Variants in GUCY2D observed in about 807,000 individuals in gnomAD.
GUCY2D encodes the protein retinal guanylyl cyclase 1.
GUCY2D carries 70 observed loss-of-function variants against 101.3 expected under a neutral mutation model. That is an observed-to-expected ratio of 0.69 (90% confidence interval 0.57 to 0.84). The LOEUF is 0.84. Ranked by LOEUF, GUCY2D falls within the 40% of genes least tolerant of loss-of-function variation. The pLI is 0.00. For synonymous variants in GUCY2D, 688 were observed against 670.7 expected (o/e 1.03, Z -0.40); for missense variants, 1,460 against 1,542.5 (o/e 0.95, Z 0.90).
At position 8,003,965 on chromosome 17, in the gene GUCY2D, G is replaced by C; in HGVS notation, c.835G>C (p.Asp279His). 6.2e-7 allele frequency: 1 copy of C among 1,613,708 alleles called. No individual in the cohort carries two copies. Among genetic ancestry groups the C allele is most frequent in the Non-Finnish European group, 8.5e-7 (1 of 1,179,920 alleles). The change falls in exon 3 of 20, where the codon GAC becomes CAC. Residue 279 changes from aspartate to histidine, a missense_variant. Physicochemically the swap from Asp to His is moderately conservative, Grantham distance 81. Around this residue, in one of 3 missense-constraint regions of GUCY2D, gnomAD observed 1,196 missense variants for 1,229.6 expected, o/e 0.97. Coordinates refer to ENST00000254854, the MANE Select transcript of GUCY2D (RefSeq NM_000180.4). ...TGGCTCCCTGGTCTTCCTGCCCTTC[G>C]ACACGATCCACTACGCCTTGTCCCC... ...TDGSLVFLPF[D>H]TIHYALSPGP...
intron 17 of GUCY2D, 61 bp downstream of exon 17, chr17:8,016,082 C>G: frequency 6.8e-7 from 1 of 1,465,230 alleles, no homozygotes. Flanking sequence ...CCGCCCATCC[C>G]GGGCCGCGGC....
Position 8,003,989 on chromosome 17 carries a change from C to T in GUCY2D, c.859C>T (p.Pro287Ser), listed in dbSNP as rs749912018. The part of the protein sequence containing the change: ...PFDTIHYALS[P>S]GPEALAALAN... ...CGACACGATCCACTACGCCTTGTCC[C>T]CAGGCCCGGAGGCCTTGGCCGCACT... The change falls in exon 3 of 20, where the codon CCA becomes TCA. Residue 287 changes from proline to serine, a missense_variant. Around this residue, in one of 3 missense-constraint regions of GUCY2D, gnomAD observed 1,196 missense variants for 1,229.6 expected, o/e 0.97. Transcript: ENST00000254854. 1.2e-6 allele frequency: 2 copies of T among 1,613,642 alleles called. No homozygotes were observed. Among genetic ancestry groups the T allele is most frequent in the Non-Finnish European group, 1.7e-6 (2 of 1,179,932 alleles).
intron 19 of GUCY2D, among the ~76,000 whole-genome samples, chr17:8,018,255 C>T (rs774868695): frequency 2.0e-5 from 3 of 152,148 alleles, no homozygotes; most frequent in South Asian, 2.1e-4. Context: ...GAGGGAATTC[C>T]GGAACTGAAC....
At position 8,007,919 on chromosome 17, in the gene GUCY2D, T is replaced by C; in HGVS notation, c.1567-12T>C. On this transcript the variant is annotated splice_polypyrimidine_tract_variant and intron_variant, in intron 6 of 19. Transcript: ENST00000254854. Reference sequence around the variant, plus strand: ...TATATTTTGACCTCTTGCATTGACCTCTACCTGCTAGGTGGCCCAGGGGAG... The same window carrying C: ...TATATTTTGACCTCTTGCATTGACCCCTACCTGCTAGGTGGCCCAGGGGAG... 5 of 1,563,594 alleles carry C rather than the reference T, an allele frequency of 3.2e-6. No individual in the cohort carries two copies. The highest frequency in any genetic ancestry group is 4.4e-6 in the Non-Finnish European group (5 of 1,134,106).
chr17:8,020,286 G>A lies in GUCY2D; in HGVS notation c.*183G>A, dbSNP rs1290220718. On this transcript the variant is annotated 3_prime_UTR_variant, in exon 20 of 20. Transcript: ENST00000254854. ...CCTTGCACCGTGGATACCAGGCCAT[G>A]TGCCATGGTATTTGGGTCCTGGGAG... is the stretch of plus-strand genomic sequence containing the variant. 1 of 152,118 alleles carries A rather than the reference G, an allele frequency of 6.6e-6. No homozygotes were observed. Among genetic ancestry groups the A allele is most frequent in the African/African-American group, 2.4e-5 (1 of 41,364 alleles). 9.4% of individuals were successfully genotyped at this position (152,118 alleles called of 1,614,324 possible).
Position 8,020,181 on chromosome 17 carries a change from T to G in GUCY2D, c.*78T>G, listed in dbSNP as rs1976047300. On this transcript the variant is annotated 3_prime_UTR_variant, in exon 20 of 20. Coordinates refer to ENST00000254854, the MANE Select transcript of GUCY2D (RefSeq NM_000180.4). ...GCAGTGGACCCCAGGCACCCCCCTT[T>G]GAGGAGGTGGGGTGAACTGCTCCTT... 1 of 149,926 alleles carries G rather than the reference T, an allele frequency of 6.7e-6. No individual in the cohort carries two copies. The highest frequency in any genetic ancestry group is 2.5e-5 in the African/African-American group (1 of 40,322). 9.3% of individuals were successfully genotyped at this position (149,926 alleles called of 1,614,324 possible).
chr17:8,015,990 A>T lies in GUCY2D; in HGVS notation c.3107A>T (p.Gln1036Leu). 6.2e-7 allele frequency: 1 copy of T among 1,611,132 alleles called. No homozygotes were observed. The highest frequency in any genetic ancestry group is 8.5e-7 in the Non-Finnish European group (1 of 1,179,080). The change falls in exon 17 of 20, where the codon CAG becomes CTG. Residue 1036 changes from glutamine to leucine, a missense_variant. Transcript: ENST00000254854. Reference protein sequence around the residue: ...GILRALDSGYQVELRGRTELK... With the variant: ...GILRALDSGYLVELRGRTELK... Reference sequence around the variant, plus strand: ...CTCCGTGCTCTGGACTCGGGCTACCAGGTGGAGCTGCGAGGCCGCACGGAG... The same window carrying T: ...CTCCGTGCTCTGGACTCGGGCTACCTGGTGGAGCTGCGAGGCCGCACGGAG...
At chr17:8,003,015 A>T in intron 1 of GUCY2D, 24 bp from the exon 2 acceptor site, 1 of 1,519,556 alleles carries the variant, frequency 6.6e-7, no homozygotes, top group Non-Finnish European at 8.8e-7. Flanking sequence ...TCAGTCGCTC[A>T]GCCTGCTCCG....
At chr17:8,016,128 C>A in intron 17 of GUCY2D, 77 bp from the exon 18 acceptor site, 1 of 1,319,940 alleles carries the variant, frequency 7.6e-7, no homozygotes, top group Non-Finnish European at 1.1e-6. Flanking sequence ...CCTGGTCTCC[C>A]AGTTCCACGC....
Position 8,003,880 on chromosome 17 carries a change from G to T in GUCY2D, c.750G>T (p.Leu250=). The T allele has an allele frequency of 6.2e-7, 1 of 1,613,156 alleles. No homozygotes were observed. ...TAVIMVMHSV[L]LGGEEQRYLL... is the part of the protein sequence containing the mutation. ...TGATCATGGTGATGCACTCGGTGCT[G>T]CTGGGTGGCGAGGAGCAGCGCTACC... The change falls in exon 3 of 20, where the codon CTG becomes CTT. Residue 250 remains leucine, a synonymous_variant. Coordinates refer to ENST00000254854, the MANE Select transcript of GUCY2D (RefSeq NM_000180.4).
At position 8,013,136 on chromosome 17, in the gene GUCY2D, A is replaced by G; in HGVS notation, c.2147A>G (p.Asp716Gly). 6.2e-7 allele frequency: 1 copy of G among 1,613,532 alleles called. No individual in the cohort carries two copies. The highest frequency in any genetic ancestry group is 8.5e-7 in the Non-Finnish European group (1 of 1,179,952). The change falls in exon 11 of 20, where the codon GAC becomes GGC. Residue 716 changes from aspartate to glycine, a missense_variant. By Grantham distance (94) the Asp-to-Gly change is moderately conservative (BLOSUM62 -1). Around this residue, in one of 3 missense-constraint regions of GUCY2D, gnomAD observed 1,196 missense variants for 1,229.6 expected, o/e 0.97. Transcript: ENST00000254854. This position sits in a 1 kb window ranked among gnomAD's most constrained non-coding sequence, Gnocchi z 5.0. ...QLWTAPELLR[D>G]PALERRGTLA... ...TGGACAGCCCCGGAGCTGCTTAGGG[A>G]CCCAGCCCTGGAGCGCCGGGGAACG...
Position 8,015,314 on chromosome 17 carries a change from CCTT to C in GUCY2D, c.2770-9_2770-7del, listed in dbSNP as rs1425779028. 4.4e-6 allele frequency: 7 copies of C among 1,602,156 alleles called. No homozygotes were observed. Among genetic ancestry groups the C allele is most frequent in the South Asian group, 1.1e-5 (1 of 91,046 alleles). On this transcript the variant is annotated splice_polypyrimidine_tract_variant and intron_variant, in intron 14 of 19. Coordinates refer to ENST00000254854, the MANE Select transcript of GUCY2D (RefSeq NM_000180.4). ...TGCTCAAAAGAAAATTCACACAACT[CCTT>C]CTTCCCCCAGGTGGAGACAATAGGG...
Position 8,016,077 on chromosome 17 carries a change from C to T in GUCY2D, c.3138+56C>T, listed in dbSNP as rs1175836019. On this transcript the variant is annotated intron_variant, in intron 17 of 19. Transcript: ENST00000254854. ...CCCCGCCCTGTCCTGAGGCACCGCC[C>T]ATCCCGGGCCGCGGCTGCAAACCTC... The T allele has an allele frequency of 7.4e-6, 11 of 1,479,858 alleles. No homozygotes were observed. The East Asian group carries it at 2.6e-4, about 35-fold the overall frequency. 91.7% of individuals were successfully genotyped at this position (1,479,858 alleles called of 1,614,324 possible).
At position 8,010,375 on chromosome 17, in the gene GUCY2D, A is replaced by C. The variant is rs1274718036; in HGVS notation, c.1749+789A>C. The stretch of plus-strand genomic sequence containing the variant: ...CCTTACAACCTTAATGTCTCCCTTT[A>C]TCTCCATGCCATGCAGCCTGGGCCT... On this transcript the variant is annotated intron_variant, in intron 8 of 19. Transcript: ENST00000254854. 3.9e-5 allele frequency among the ~76,000 whole-genome samples: 6 copies of C among 152,168 alleles called. No individual in the cohort carries two copies. In the South Asian group the frequency reaches 1.0e-3, roughly 26 times the overall value.
Position 8,011,209 on chromosome 17 carries a change from T to A in GUCY2D, c.1750-935T>A, listed in dbSNP as rs1975845016. On this transcript the variant is annotated intron_variant, in intron 8 of 19. Transcript: ENST00000254854. This position sits in a 1 kb window ranked among gnomAD's most constrained non-coding sequence, Gnocchi z 4.3. The stretch of plus-strand genomic sequence containing the variant: ...GACTGGCCAACATAGCAAAACCCCA[T>A]CTCTACTAAAAATACAAAAATTAGC... Among the ~76,000 whole-genome samples the A allele has an allele frequency of 6.6e-6, 1 of 150,592 alleles. No individual in the cohort carries two copies. Among genetic ancestry groups the A allele is most frequent in the Non-Finnish European group, 1.5e-5 (1 of 67,640 alleles).
Position 8,002,819 on chromosome 17 carries a change from G to T in GUCY2D, c.-10+85G>T. Reference sequence around the variant, plus strand: ...TGCTGACCCCTGACGCCTCCGACGGGGGGAGGGGCAGGCCGGGTGGGAGCG... The same window carrying T: ...TGCTGACCCCTGACGCCTCCGACGGTGGGAGGGGCAGGCCGGGTGGGAGCG... On this transcript the variant is annotated intron_variant, in intron 1 of 19. Transcript: ENST00000254854. The surrounding 1 kb of genome is among the most constrained non-coding windows in gnomAD (Gnocchi z 4.9). 7.6e-6 allele frequency: 4 copies of T among 524,452 alleles called. No homozygotes were observed. In the South Asian group the frequency reaches 9.9e-5, roughly 13 times the overall value. The allele number at this position is 524,452 out of a possible 1,614,324, so 32.5% of individuals were successfully genotyped here. A position where few individuals can be genotyped will look rare whatever the true frequency, so the allele number is the denominator to read the frequency against.
In GUCY2D at chr17:8,007,513, G is replaced by A; in HGVS notation, c.1551G>A (p.Gly517=). Residue 517 remains glycine, a synonymous_variant, in exon 6 of 20, where the codon GGG becomes GGA. Coordinates refer to ENST00000254854, the MANE Select transcript of GUCY2D (RefSeq NM_000180.4). ...VDDITFLHPH[G]GTSRKVAQGS... ...ACATCACCTTTCTCCACCCACATGGGGGCACCTCTCGAAAGGTGGGGGAGG... is the reference window on the plus strand; with the variant it reads ...ACATCACCTTTCTCCACCCACATGGAGGCACCTCTCGAAAGGTGGGGGAGG... 1 of 1,603,656 alleles carries A rather than the reference G, an allele frequency of 6.2e-7. No homozygotes were observed. Among genetic ancestry groups the A allele is most frequent in the Admixed American group, 1.7e-5 (1 of 60,018 alleles).
At chr17:8,017,771 C>T (rs966038357) in intron 19 of GUCY2D, among the ~76,000 whole-genome samples, 37 of 152,126 alleles carry the variant, frequency 2.4e-4, no homozygotes, top group African/African-American at 8.9e-4. Flanking sequence ...CGACTCATTG[C>T]AACCTCCTCC....
In GUCY2D at chr17:8,011,040, C is replaced by G. The variant is rs1054541296; in HGVS notation, c.1750-1104C>G. Among the ~76,000 whole-genome samples the G allele has an allele frequency of 6.6e-6, 1 of 152,044 alleles. No homozygotes were observed. The highest frequency in any genetic ancestry group is 1.5e-5 in the Non-Finnish European group (1 of 68,012). ...ACGTAACGCCAAGCAGAGCAGCCCCCGGCCAGGTTGCAGGCACACGCCATT... is the reference window on the plus strand; with the variant it reads ...ACGTAACGCCAAGCAGAGCAGCCCCGGGCCAGGTTGCAGGCACACGCCATT... On this transcript the variant is annotated intron_variant, in intron 8 of 19. Coordinates refer to ENST00000254854, the MANE Select transcript of GUCY2D (RefSeq NM_000180.4). This position sits in a 1 kb window ranked among gnomAD's most constrained non-coding sequence, Gnocchi z 4.3.
Sources: allele counts gnomAD v4.1 joint callset (sites outside exome capture counted in the v4.1 genomes callset), GRCh38; gene constraint gnomAD v4.1.1; regional missense constraint gnomAD v4.1.1; non-coding constraint Gnocchi (gnomAD v3.1); transcripts MANE v1.5; gene names NCBI Gene and HGNC (gene_info 2026-07-23, HGNC 2026-07-21).